Variants in WNK1 observed in about 807,000 individuals in gnomAD.
WNK1 encodes the protein serine/threonine-protein kinase WNK1.
WNK1 carries 38 observed loss-of-function variants against 222.8 expected under a neutral mutation model. That is an observed-to-expected ratio of 0.17 (90% CI 0.13 to 0.22). The LOEUF (loss-of-function observed/expected upper bound fraction) is 0.22. Among genes scored for constraint, WNK1 ranks in the 10% least tolerant of loss-of-function variants. The pLI, the probability that WNK1 is intolerant of heterozygous loss-of-function variation, is 1.00. For synonymous variants in WNK1, 1,090 were observed against 1,092.9 expected (o/e 1.00, Z 0.05); for missense variants, 2,348 against 2,918.4 (o/e 0.80, Z 4.50).
At chr12:824,690 T>A (rs1948210743) in intron 2 of WNK1, among the ~76,000 whole-genome samples, 1 of 149,006 alleles carries the variant, frequency 6.7e-6, no homozygotes, top group Non-Finnish European at 1.5e-5. Flanking sequence ...AGAAGTAATA[T>A]AAAGTTCATA....
chr12:845,579 C>T (rs902009224), intron 4 of WNK1, among the ~76,000 whole-genome samples: 1 of 152,180 alleles, frequency 6.6e-6, no homozygotes, highest in Non-Finnish European at 1.5e-5. Context: ...TTTCAAATTC[C>T]GGCAATGTCA....
In WNK1 at chr12:754,023, C is replaced by T. The variant is rs765331494; in HGVS notation, c.458C>T (p.Pro153Leu). Residue 153 changes from proline to leucine, a missense_variant, in exon 1 of 28, where the codon CCC (proline) becomes CTC (leucine). Pro to Leu is a moderately conservative substitution (Grantham distance 98, BLOSUM62 -3). This residue lies in a region of WNK1 where 185 missense variants were observed against 159.2 expected (regional missense o/e 1.16). Transcript: ENST00000315939. ...PGEQAVAGPA[P>L]STVPSSTSKD... Reference sequence around the variant, plus strand: ...GAACAGGCCGTCGCGGGCCCTGCCCCCTCGACTGTCCCCAGCAGTACCAGC... The same window carrying T: ...GAACAGGCCGTCGCGGGCCCTGCCCTCTCGACTGTCCCCAGCAGTACCAGC... 5.0e-6 allele frequency: 8 copies of T among 1,588,422 alleles called. No homozygotes were observed. Among genetic ancestry groups the T allele is most frequent in the East Asian group, 4.6e-5 (2 of 43,652 alleles).
chr12:894,458 C>T, intron 22 of WNK1, 104 bp from the exon 23 acceptor site: 1 of 967,798 alleles, frequency 1.0e-6, no homozygotes, highest in Non-Finnish European at 1.7e-6. Flanking sequence ...CCTCTAACAG[C>T]TTTCCTCATG....
At chr12:856,271 A>G (rs1950782986) in intron 4 of WNK1, among the ~76,000 whole-genome samples, 1 of 150,948 alleles carries the variant, frequency 6.6e-6, no homozygotes, top group African/African-American at 2.4e-5. Flanking sequence ...AACATGGAGA[A>G]ACCCCCATCC....
At position 810,242 on chromosome 12, in the gene WNK1, G is replaced by A. The variant is rs558074469; in HGVS notation, c.760-3400G>A. ...AGCCTGTGCGACAGAGCAAGACTCC[G>A]TCTCAAAAAAAAAAAAGGTGAAATA... On this transcript the variant is annotated intron_variant, in intron 1 of 27. Coordinates refer to ENST00000315939, the MANE Select transcript of WNK1 (RefSeq NM_018979.4). Among the ~76,000 whole-genome samples the A allele has an allele frequency of 2.7e-3, 398 of 148,578 alleles. 2 individuals are homozygous for A. Among genetic ancestry groups the A allele is most frequent in the African/African-American group, 9.1e-3 (361 of 39,886 alleles).
chr12:754,378 GC>G, intron 1 of WNK1, 54 bp downstream of exon 1: 1 of 1,610,460 alleles, frequency 6.2e-7, no homozygotes, highest in Non-Finnish European at 8.5e-7. Flanking sequence ...ATTTGGCTCG[GC>G]GAAGCCAGTT....
At chr12:786,661 TTCA>T (rs1258997209) in intron 1 of WNK1, among the ~76,000 whole-genome samples, 1 of 152,096 alleles carries the variant, frequency 6.6e-6, no homozygotes, top group African/African-American at 2.4e-5. Context: ...GCGACAGGGT[TTCA>T]TCATGTTGGT....
At chr12:802,951 T>C (rs1015611154) in intron 1 of WNK1, among the ~76,000 whole-genome samples, 14 of 152,338 alleles carry the variant, frequency 9.2e-5, no homozygotes, top group African/African-American at 2.9e-4. Context: ...TTCCATAGTA[T>C]TCATATTTTG....
intron 1 of WNK1, among the ~76,000 whole-genome samples, chr12:799,549 T>G (rs1408316479): frequency 6.6e-6 from 1 of 152,214 alleles, no homozygotes; most frequent in African/African-American, 2.4e-5. Context: ...CTTTTAAAAT[T>G]ATAAAAGTAG....
chr12:775,816 T>C (rs998316197), intron 1 of WNK1, among the ~76,000 whole-genome samples: 3 of 152,220 alleles, frequency 2.0e-5, no homozygotes, highest in African/African-American at 7.2e-5. Context: ...TATATTCTTA[T>C]GTCACCTGAA....
intron 4 of WNK1, among the ~76,000 whole-genome samples, chr12:849,528 G>C (rs1235349670): frequency 1.3e-5 from 2 of 152,108 alleles, no homozygotes; most frequent in African/African-American, 4.8e-5. Flanking sequence ...GGGAGAAGAA[G>C]AGGCAAAAAA....
chr12:881,539 A>T, intron 12 of WNK1, 153 bp from the exon 13 acceptor site: 1 of 703,442 alleles, frequency 1.4e-6, no homozygotes. Flanking sequence ...TAAGACCATT[A>T]TCTCTAGATG....
intron 23 of WNK1, 77 bp downstream of exon 23, chr12:894,712 A>G: frequency 7.5e-7 from 1 of 1,331,442 alleles, no homozygotes; most frequent in Non-Finnish European, 1.1e-6. Flanking sequence ...CTGCCTACCT[A>G]TTTGGGACAC....
At position 868,317 on chromosome 12, in the gene WNK1, A is replaced by G. The variant is rs1419294648; in HGVS notation, c.2140-2948A>G. The G allele has an allele frequency of 1.2e-6, 2 of 1,612,722 alleles. No homozygotes were observed. Among genetic ancestry groups the G allele is most frequent in the Non-Finnish European group, 1.7e-6 (2 of 1,179,228 alleles). On this transcript the variant is annotated intron_variant, in intron 8 of 27. Coordinates refer to ENST00000315939, the MANE Select transcript of WNK1 (RefSeq NM_018979.4). Reference sequence around the variant, plus strand: ...CATTACCAGGCCCGGGTGGCAGAACAGTATGAGGGCATTCCATACAACTCA... The same window carrying G: ...CATTACCAGGCCCGGGTGGCAGAACGGTATGAGGGCATTCCATACAACTCA...
At chr12:907,360 A>G (rs956727588) in intron 26 of WNK1, among the ~76,000 whole-genome samples, 10 of 151,398 alleles carry the variant, frequency 6.6e-5, no homozygotes, top group Non-Finnish European at 8.8e-5. Flanking sequence ...GCAGTGTCCA[A>G]TGGTTTGGAA....
chr12:829,829 A>G lies in WNK1; in HGVS notation c.1154-174A>G, dbSNP rs1591900037. ...TGCAGTGGAAGATCTTTTATGAGATATTTGATGGAACAGACTGACTGAGAA... is the reference window on the plus strand; with the variant it reads ...TGCAGTGGAAGATCTTTTATGAGATGTTTGATGGAACAGACTGACTGAGAA... On this transcript the variant is annotated intron_variant, in intron 3 of 27. Transcript: ENST00000315939. 1.4e-5 allele frequency: 9 copies of G among 652,502 alleles called. No homozygotes were observed. The East Asian group carries it at 2.2e-4, about 16-fold the overall frequency. 40.4% of individuals were successfully genotyped at this position (652,502 alleles called of 1,614,324 possible). A position where few individuals can be genotyped will look rare whatever the true frequency, so the allele number is the denominator to read the frequency against.
At chr12:862,376 G>C (rs1951284737) in intron 8 of WNK1, 106 bp downstream of exon 8, 1 of 1,238,554 alleles carries the variant, frequency 8.1e-7, no homozygotes, top group Non-Finnish European at 1.2e-6. Flanking sequence ...GTCTGAAGTA[G>C]AAAATATAAA....
intron 3 of WNK1, among the ~76,000 whole-genome samples, chr12:829,393 T>C (rs1217146189): frequency 6.6e-6 from 1 of 152,206 alleles, no homozygotes; most frequent in African/African-American, 2.4e-5. Context: ...AGAAAAGGGC[T>C]CTGGTGAGTG....
chr12:859,490 A>T, intron 6 of WNK1, 26 bp downstream of exon 6: 1 of 1,564,900 alleles, frequency 6.4e-7, no homozygotes, highest in Non-Finnish European at 8.8e-7. Flanking sequence ...CCATTTTAAA[A>T]TTGATTTAGA....
Sources: allele counts gnomAD v4.1 joint callset (sites outside exome capture counted in the v4.1 genomes callset), GRCh38; gene constraint gnomAD v4.1.1; regional missense constraint gnomAD v4.1.1; transcripts MANE v1.5; gene names NCBI Gene and HGNC (gene_info 2026-07-23, HGNC 2026-07-21).